The following RIF1 variants were observed in gnomAD, a reference collection of about 807,000 sequenced individuals.
The protein encoded by RIF1 is telomere-associated protein RIF1.
Under a neutral mutation model 247.1 loss-of-function variants are expected in RIF1, and 45 were observed. That is an observed-to-expected ratio of 0.18 (90% CI 0.14 to 0.23). The LOEUF (loss-of-function observed/expected upper bound fraction) is 0.23, where lower values mean the gene tolerates loss of function less well. RIF1 is among the 10% of genes least tolerant of loss of function. The pLI is 1.00. For synonymous variants in RIF1, 1,087 were observed against 978.8 expected (o/e 1.11, Z -2.06); for missense variants, 2,967 against 2,862.5 (o/e 1.04, Z -0.83).
intron 9 of RIF1, chr2:151,493,676 C>T (rs749274458): frequency 9.9e-7 from 1 of 1,013,984 alleles, no homozygotes; most frequent in Non-Finnish European, 1.4e-6. Flanking sequence ...TTTAAAGATA[C>T]ACAAAAGTTT....
chr2:151,435,454 A>G lies in RIF1; in HGVS notation c.1078-9A>G, dbSNP rs748868139. The G allele has an allele frequency of 6.7e-7, 1 of 1,495,220 alleles. No homozygotes were observed. Among genetic ancestry groups the G allele is most frequent in the South Asian group, 1.1e-5 (1 of 88,324 alleles). The allele number at this position is 1,495,220 out of a possible 1,614,324, so 92.6% of individuals were successfully genotyped here. On this transcript the variant is annotated splice_polypyrimidine_tract_variant and intron_variant, in intron 10 of 35. Transcript: ENST00000444746. ...AGTTTATAGATCGATGTTTTCTTTT[A>G]CCCCATAGGTTTGTGTGCCTCTGAT...
chr2:151,491,634 C>A, intron 9 of RIF1: 1 of 1,395,940 alleles, frequency 7.2e-7, no homozygotes, highest in South Asian at 1.2e-5. Context: ...TTGACTCTAG[C>A]ATACTAAATG....
chr2:151,483,120 T>A (rs879366978), downstream of RIF1: 4 of 5,112 alleles, frequency 7.8e-4, no homozygotes, highest in Non-Finnish European at 1.5e-3. Context: ...GGTGGGAGGG[T>A]GGGACACAAT....
chr2:151,462,238 T>C lies in RIF1; in HGVS notation c.3228-4T>C. The C allele has an allele frequency of 6.4e-7, 1 of 1,552,972 alleles. No individual in the cohort carries two copies. Among genetic ancestry groups the C allele is most frequent in the Non-Finnish European group, 8.8e-7 (1 of 1,139,314 alleles). On this transcript the variant is annotated splice_polypyrimidine_tract_variant and splice_region_variant and intron_variant, in intron 27 of 35. Transcript: ENST00000444746. ...TGAAGTTACTTATATATAGTTTTTT[T>C]CAGGTGTGATATTCCTGCCATGTAT...
intron 19 of RIF1, 107 bp from the exon 20 acceptor site, chr2:151,446,313 TGACACA>T: frequency 9.7e-7 from 1 of 1,035,614 alleles, no homozygotes; most frequent in Non-Finnish European, 1.4e-6. Context: ...GTGTCTTTTT[TGACACA>T]CTAAATGTTG....
chr2:151,482,671 A>C (rs899337586), downstream of RIF1, among the ~76,000 whole-genome samples: 7 of 152,356 alleles, frequency 4.6e-5, no homozygotes, highest in African/African-American at 1.7e-4. Flanking sequence ...AAGGAAAACA[A>C]CAACAACAAC....
At chr2:151,458,780 T>A in intron 24 of RIF1, 31 bp from the exon 25 acceptor site, 1 of 1,322,646 alleles carries the variant, frequency 7.6e-7, no homozygotes, top group East Asian at 2.3e-5. Context: ...CTACTTGACT[T>A]AAGGTATATA....
chr2:151,433,675 G>A (rs1284681998), intron 10 of RIF1, among the ~76,000 whole-genome samples: 5 of 151,944 alleles, frequency 3.3e-5, no homozygotes, highest in African/African-American at 7.2e-5. Context: ...GGCTGGTCTC[G>A]CACTCCTGGC....
the RIF1 span, chr2:151,519,785 A>G: frequency 6.7e-7 from 1 of 1,503,610 alleles, no homozygotes; most frequent in Non-Finnish European, 9.3e-7. Context: ...GCAAATGCAA[A>G]CATCCAAATT....
intron 12 of RIF1, chr2:151,503,380 C>CT: frequency 6.2e-7 from 1 of 1,612,632 alleles, no homozygotes; most frequent in Non-Finnish European, 8.5e-7. Context: ...GCGTTTGACT[C>CT]TCTCAATCTC....
At position 151,496,308 on chromosome 2, in the gene RIF1, G is replaced by A. The variant is rs763364977; in HGVS notation, c.*513+982G>A. On this transcript the variant is annotated intron_variant and NMD_transcript_variant, in intron 10 of 13. Transcript: ENST00000454583. ...ATATTTTCTTGATTGTGTTTGACTC[G>A]CTCCATCTCGGGAGTGACAGCTAAA... 4 of 1,611,358 alleles carry A rather than the reference G, an allele frequency of 2.5e-6. No individual in the cohort carries two copies. The highest frequency in any genetic ancestry group is 1.1e-5 in the South Asian group (1 of 90,592).
At chr2:151,533,730 G>T in the RIF1 span, among the ~76,000 whole-genome samples, 1 of 152,198 alleles carries the variant, frequency 6.6e-6, no homozygotes, top group African/African-American at 2.4e-5. Flanking sequence ...AATGCTTGCG[G>T]TTGGCCATTC....
rs756671982 is a variant in RIF1 at position 151,464,906 on chromosome 2, T to A, written c.5386T>A (p.Phe1796Ile). The A allele has an allele frequency of 1.9e-6, 3 of 1,580,066 alleles. No homozygotes were observed. The highest frequency in any genetic ancestry group is 2.4e-5 in the South Asian group (2 of 84,336). The change falls in exon 30 of 36, where the codon TTT becomes ATT. Residue 1796 changes from phenylalanine (F) to isoleucine (I), a missense_variant. Coordinates refer to ENST00000444746, the MANE Select transcript of RIF1 (RefSeq NM_018151.5). The part of the protein sequence containing the change: ...QFLDEHHSVN[F>I]HLGLKEDNDT... ...TTTAGATGAACATCATAGTGTGAAT[T>A]TTCATTTGGGTCTCAAAGAGGATAA...
the RIF1 span, chr2:151,524,384 C>T: frequency 1.9e-6 from 3 of 1,613,950 alleles, no homozygotes; most frequent in Non-Finnish European, 8.5e-7. Context: ...GCCATGGCTG[C>T]CTTCCTTGCG....
intron 4 of RIF1, among the ~76,000 whole-genome samples, chr2:151,415,843 C>T (rs1687131857): frequency 6.6e-6 from 1 of 152,098 alleles, no homozygotes; most frequent in South Asian, 2.1e-4. Flanking sequence ...TGCCATTGCA[C>T]TCCAGCCTGG....
At position 151,464,663 on chromosome 2, in the gene RIF1, A is replaced by G. The variant is rs370699631; in HGVS notation, c.5143A>G (p.Thr1715Ala). The change falls in exon 30 of 36, where the codon ACA becomes GCA. Residue 1715 changes from threonine (T) to alanine (A), a missense_variant. This residue lies in a region of RIF1 where 2,028 missense variants were observed against 1,825.6 expected (regional missense o/e 1.11). Coordinates refer to ENST00000444746, the MANE Select transcript of RIF1 (RefSeq NM_018151.5). ...TTCGCTTTCAGAAAAAACTTTTCAAACACTTGAATGCCAACACAAGAGAAG... is the reference window on the plus strand; with the variant it reads ...TTCGCTTTCAGAAAAAACTTTTCAAGCACTTGAATGCCAACACAAGAGAAG... Reference protein sequence around the residue: ...ISSLSEKTFQTLECQHKRSRR... With the variant: ...ISSLSEKTFQALECQHKRSRR... 5 of 1,613,052 alleles carry G rather than the reference A, an allele frequency of 3.1e-6. No homozygotes were observed. The highest frequency in any genetic ancestry group is 2.7e-5 in the African/African-American group (2 of 74,890).
rs1461067378 is a variant in RIF1, at chr2:151,503,368, T to C, written c.*861+183T>C. The C allele has an allele frequency of 5.6e-6, 9 of 1,611,620 alleles. No individual in the cohort carries two copies. Among genetic ancestry groups the C allele is most frequent in the Non-Finnish European group, 7.6e-6 (9 of 1,178,162 alleles). ...AAATACCGAGCTAAAGTTCTCTTGA[T>C]TGCGTTTGACTCTCTCAATCTCTGG... On this transcript the variant is annotated intron_variant and NMD_transcript_variant, in intron 12 of 13. Transcript: ENST00000454583.
chr2:151,499,907 C>T (rs1034484197), intron 11 of RIF1, among the ~76,000 whole-genome samples: 7 of 152,024 alleles, frequency 4.6e-5, no homozygotes, highest in African/African-American at 1.4e-4. Flanking sequence ...GGCTTATGCA[C>T]CACTGGGCAA....
downstream of RIF1, chr2:151,512,846 C>A (rs1328112461): frequency 3.8e-6 from 6 of 1,580,316 alleles, no homozygotes; most frequent in Non-Finnish European, 3.5e-6. Flanking sequence ...ATCTGTAAAA[C>A]AACACCGAAT....
Sources: allele counts gnomAD v4.1 joint callset (sites outside exome capture counted in the v4.1 genomes callset), GRCh38; gene constraint gnomAD v4.1.1; regional missense constraint gnomAD v4.1.1; transcripts MANE v1.5; gene names NCBI Gene and HGNC (gene_info 2026-07-23, HGNC 2026-07-21).